Variants in TNNT1 observed in about 807,000 individuals in gnomAD.
TNNT1 encodes the protein troponin T1, slow skeletal type, also known as troponin T, slow skeletal muscle.
In TNNT1, 53 loss-of-function variants were observed where a neutral mutation model predicts 50.6. The ratio of observed to expected loss-of-function variants is 1.05; its 90% CI spans 0.84 to 1.32. The LOEUF is 1.32. Among genes scored for constraint, TNNT1 ranks in the 40% most tolerant of loss-of-function variants. The probability of loss-of-function intolerance (pLI) is 0.00; values close to 1 mark genes in which losing one functional copy is unlikely to be tolerated. For missense variants in TNNT1, 348 were observed against 381.7 expected (o/e 0.91, Z 0.74); for synonymous variants, 142 against 138.0 (o/e 1.03, Z -0.20).
intron 5 of TNNT1, among the ~76,000 whole-genome samples, 196 bp from the exon 6 acceptor site, chr19:55,145,761 G>A (rs1407079072): frequency 2.0e-5 from 3 of 151,810 alleles, no homozygotes; most frequent in East Asian, 1.9e-4. Flanking sequence ...CTGTAAAGGA[G>A]GAAGAGGGTC....
chr19:55,134,315 T>G (rs7258964), intron 11 of TNNT1, 111 bp from the exon 12 acceptor site: 1 of 1,123,100 alleles, frequency 8.9e-7, no homozygotes, highest in Admixed American at 2.1e-5. Context: ...TGTTCATATT[T>G]GAGGCCGAGA....
chr19:55,134,697 G>GGGGAGGGGAGAGGAGAAGAC (rs1474009233), intron 11 of TNNT1, among the ~76,000 whole-genome samples: 2 of 70,432 alleles, frequency 2.8e-5, no homozygotes, highest in African/African-American at 1.2e-4. Context: ...AAAGTGGGGA[G>GGGGAGGGGAGAGGAGAAGAC]GGGAGGGGAG....
intron 1 of TNNT1, among the ~76,000 whole-genome samples, chr19:55,147,678 GGGGTCTGGACTCCTGGATCT>G (rs2085599698): frequency 1.0e-5 from 1 of 100,326 alleles, no homozygotes; most frequent in Non-Finnish European, 1.9e-5. Context: ...AGGAGGGGCT[GGGGTCTGGACTCCTGGATCT>G]GAGGGAGGAG....
At chr19:55,146,861 A>T in intron 3 of TNNT1, 147 bp downstream of exon 3, 1 of 1,242,926 alleles carries the variant, frequency 8.0e-7, no homozygotes, top group Non-Finnish European at 1.1e-6. Context: ...GGATGGCGCG[A>T]GGAGACGCTC....
intron 1 of TNNT1, among the ~76,000 whole-genome samples, chr19:55,147,672 GGGGCTGGGGTCT>G: frequency 9.9e-6 from 1 of 100,560 alleles, no homozygotes; most frequent in African/African-American, 4.9e-5. Flanking sequence ...TGAGGGAGGA[GGGGCTGGGGTCT>G]GGACTCCTGG....
At chr19:55,148,828 C>G (rs78905203) in intron 1 of TNNT1, among the ~76,000 whole-genome samples, 8 of 152,084 alleles carry the variant, frequency 5.3e-5, no homozygotes, top group Admixed American at 1.3e-4. Context: ...AATCCTGACA[C>G]CCAGATTGTT....
chr19:55,140,207 C>A (rs1344364710), intron 9 of TNNT1, among the ~76,000 whole-genome samples: 1 of 152,014 alleles, frequency 6.6e-6, no homozygotes, highest in Non-Finnish European at 1.5e-5. Flanking sequence ...TGCCTGTCAT[C>A]CCAGCACTTT....
chr19:55,147,021 C>G lies in TNNT1; in HGVS notation c.33G>C (p.Glu11Asp), dbSNP rs758603480. The G allele has an allele frequency of 1.2e-6, 2 of 1,611,822 alleles. No homozygotes were observed. The highest frequency in any genetic ancestry group is 2.2e-5 in the South Asian group (2 of 90,374). Reference sequence around the variant, plus strand: ...CTCCCTACTCACCTTCCGGCTGCTCCCTGCGGACGGGTGTGGGGAGAGAGG... The same window carrying G: ...CTCCCTACTCACCTTCCGGCTGCTCGCTGCGGACGGGTGTGGGGAGAGAGG... The part of the protein sequence containing the change: MSDTEEQEYE[E>D]EQPEEEAAEE... The change falls in exon 3 of 14, where the codon GAG becomes GAC. Residue 11 changes from glutamate to aspartate, a missense_variant and splice_region_variant. Coordinates refer to ENST00000588981, the MANE Select transcript of TNNT1 (RefSeq NM_003283.6).
chr19:55,146,409 C>T (rs1414393588), intron 5 of TNNT1, 25 bp downstream of exon 5: 2 of 1,233,400 alleles, frequency 1.6e-6, no homozygotes, highest in Middle Eastern at 2.7e-4. Flanking sequence ...ACATCGGTCT[C>T]GGGAAGCGAA....
Position 55,138,060 on chromosome 19 carries a change from C to T in TNNT1, c.402G>A (p.Arg134=), listed in dbSNP as rs1419485411. The T allele has an allele frequency of 6.2e-7, 1 of 1,614,202 alleles. No individual in the cohort carries two copies. The highest frequency in any genetic ancestry group is 1.1e-5 in the South Asian group (1 of 91,078). The change falls in exon 10 of 14, where the codon AGG becomes AGA. Residue 134 remains arginine (R), a synonymous_variant. Coordinates refer to ENST00000588981, the MANE Select transcript of TNNT1 (RefSeq NM_003283.6). ...RQAKLAEEKM[R]KEEEEAKKRA... ...GCTTCTTGGCCTCTTCCTCTTCCTTCCTCATCTTCTCCTCCTGTGGGAAGT... is the reference window on the plus strand; with the variant it reads ...GCTTCTTGGCCTCTTCCTCTTCCTTTCTCATCTTCTCCTCCTGTGGGAAGT...
Position 55,142,889 on chromosome 19 carries a change from C to T in TNNT1, c.129-969G>A, listed in dbSNP as rs534002999. On this transcript the variant is annotated intron_variant, in intron 6 of 13. Coordinates refer to ENST00000588981, the MANE Select transcript of TNNT1 (RefSeq NM_003283.6). ...TAGAGATGGCGTTTCACAGCCTGGG[C>T]GCGGTGGCTCACGCCTGTAATCCTA... 2.0e-3 allele frequency among the ~76,000 whole-genome samples: 294 copies of T among 150,720 alleles called. 1 individual carries two copies. Among genetic ancestry groups the T allele is most frequent in the African/African-American group, 6.2e-3 (254 of 41,140 alleles).
At chr19:55,146,355 G>T in intron 5 of TNNT1, 79 bp downstream of exon 5, 1 of 1,067,446 alleles carries the variant, frequency 9.4e-7, no homozygotes, top group Non-Finnish European at 1.3e-6. Flanking sequence ...GGGTGGTCTT[G>T]GAGGTTGGGG....
At chr19:55,145,708 G>C in intron 5 of TNNT1, 143 bp from the exon 6 acceptor site, 2 of 772,004 alleles carry the variant, frequency 2.6e-6, no homozygotes, top group East Asian at 5.0e-5. Flanking sequence ...TTCTGGAGGA[G>C]GGGGGATGGG....
At chr19:55,138,278 C>CTTT (rs2085390352) in intron 9 of TNNT1, among the ~76,000 whole-genome samples, 1 of 145,960 alleles carries the variant, frequency 6.9e-6, no homozygotes, top group African/African-American at 2.6e-5. Flanking sequence ...CCCTTCCCCT[C>CTTT]TGTTTTTTTT....
intron 1 of TNNT1, among the ~76,000 whole-genome samples, chr19:55,148,898 A>C (rs2085629422): frequency 6.6e-6 from 1 of 151,824 alleles, no homozygotes; most frequent in African/African-American, 2.4e-5. Flanking sequence ...CCAGAACCCC[A>C]AGATCCTAGG....
At chr19:55,137,928 A>T (rs767448939) in intron 10 of TNNT1, 33 bp downstream of exon 10, 2 of 1,613,760 alleles carry the variant, frequency 1.2e-6, no homozygotes, top group Non-Finnish European at 1.7e-6. Flanking sequence ...CCCCCTCAGA[A>T]CTCAGACCTC....
chr19:55,141,331 G>A (rs1056976677), intron 7 of TNNT1, 29 bp from the exon 8 acceptor site: 2 of 1,570,988 alleles, frequency 1.3e-6, no homozygotes, highest in Non-Finnish European at 1.8e-6. Context: ...GCCCGTCCTA[G>A]GAGACCCTGG....
chr19:55,136,588 C>T (rs2085349456), intron 11 of TNNT1, among the ~76,000 whole-genome samples: 1 of 152,206 alleles, frequency 6.6e-6, no homozygotes, highest in African/African-American at 2.4e-5. Context: ...CACGGCGCCA[C>T]TCTGGGGTGG....
chr19:55,140,982 G>A, intron 8 of TNNT1, 22 bp from the exon 9 acceptor site: 2 of 1,613,364 alleles, frequency 1.2e-6, no homozygotes, highest in East Asian at 2.2e-5. Context: ...AGAAGCATAA[G>A]GGGGTGCAGG....
Sources: gnomAD v4.1 joint callset for allele counts (sites outside exome capture counted in the v4.1 genomes callset) on GRCh38, gnomAD v4.1.1 for gene constraint, MANE v1.5 for transcripts, NCBI Gene and HGNC (gene_info 2026-07-23, HGNC 2026-07-21) for gene names.